Variants in COL4A6 observed in about 807,000 individuals in gnomAD.
The protein encoded by COL4A6 is collagen alpha-6(IV) chain.
COL4A6 carries 59 observed loss-of-function variants against 126.7 expected under a neutral mutation model. The observed-to-expected ratio is 0.47, with a 90% CI of 0.38 to 0.58. The LOEUF is 0.58. Among genes scored for constraint, COL4A6 ranks in the 20% least tolerant of loss-of-function variants. The pLI is 0.00. For synonymous variants in COL4A6, 547 were observed against 496.6 expected, an observed-to-expected ratio of 1.10 and a Z score of -1.35; for missense variants, 1,285 against 1,337.3, an observed-to-expected ratio of 0.96 and a Z score of 0.61.
rs747482606 is a variant in COL4A6 at position 108,188,068 on chromosome X, T to C, written c.1588-41A>G. The C allele has an allele frequency of 2.6e-5, 28 of 1,078,831 alleles. No individual in the cohort carries two copies. In the South Asian group the frequency reaches 5.2e-4, roughly 20 times the overall value. The allele number at this position is 1,078,831 out of a possible 1,213,427, so 88.9% of individuals were successfully genotyped here. On this transcript the variant is annotated intron_variant, in intron 21 of 44. Transcript: ENST00000334504. ...GAGAAGAGGGAGTAGTCAGAAGATG[T>C]AGACTTCATAGAATTCCGGCACCTA...
At chrX:108,433,680 T>C (rs2064212844) in intron 2 of COL4A6, among the ~76,000 whole-genome samples, 1 of 110,882 alleles carries the variant, frequency 9.0e-6, no homozygotes, top group Non-Finnish European at 1.9e-5. Flanking sequence ...TGCACCACCA[T>C]GCCCAGCTAA....
At chrX:108,167,616 A>G (rs898274589) in intron 37 of COL4A6, among the ~76,000 whole-genome samples, 4 of 111,592 alleles carry the variant, frequency 3.6e-5, no homozygotes, top group African/African-American at 1.3e-4. Context: ...GATTACAGGC[A>G]TGAGTCACTG....
At chrX:108,322,915 C>T (rs765486621) in intron 2 of COL4A6, among the ~76,000 whole-genome samples, 2 of 112,285 alleles carry the variant, frequency 1.8e-5, no homozygotes, top group East Asian at 5.6e-4. Context: ...TATTTATCTG[C>T]AATTCAAATT....
chrX:108,162,794 G>C, intron 41 of COL4A6, 98 bp downstream of exon 41: 1 of 930,445 alleles, frequency 1.1e-6, no homozygotes, highest in Non-Finnish European at 1.4e-6. Flanking sequence ...GGCAACGCTT[G>C]ATGAAGACAC....
rs182950818 is a variant in COL4A6, at chrX:108,305,897, A to T, written c.144+4851T>A. 2.7e-5 allele frequency among the ~76,000 whole-genome samples: 3 copies of T among 112,267 alleles called. No homozygotes were observed. The Admixed American group carries it at 2.8e-4, about 11-fold the overall frequency. On this transcript the variant is annotated intron_variant, in intron 3 of 44. Coordinates refer to ENST00000334504, the MANE Select transcript of COL4A6 (RefSeq NM_033641.4). ...TAGACATGTTTATGGTGCCAGTGAA[A>T]TCTAAGCAGAGATATCCAGCAAGAA...
chrX:108,341,475 T>C (rs1212596584), intron 2 of COL4A6, among the ~76,000 whole-genome samples: 2 of 111,113 alleles, frequency 1.8e-5, no homozygotes, highest in Non-Finnish European at 3.8e-5. Context: ...GCAGACATGA[T>C]GGTTTTATAA....
intron 3 of COL4A6, among the ~76,000 whole-genome samples, chrX:108,239,966 G>A (rs189411862): frequency 3.6e-5 from 4 of 111,258 alleles, no homozygotes; most frequent in African/African-American, 1.3e-4. Context: ...AATTTGGCTG[G>A]GTGTGGTGGC....
chrX:108,283,433 C>T (rs1465692676), intron 3 of COL4A6, among the ~76,000 whole-genome samples: 2 of 111,613 alleles, frequency 1.8e-5, no homozygotes, highest in South Asian at 3.8e-4. Flanking sequence ...CTTGTATTTC[C>T]GCTCCTGTAC....
At chrX:108,179,473 C>T (rs1244652961) in intron 25 of COL4A6, 35 bp from the exon 26 acceptor site, 1 of 1,098,124 alleles carries the variant, frequency 9.1e-7, no homozygotes, top group African/African-American at 1.8e-5. Context: ...AAGACCATGG[C>T]TGTTTAGAAG....
At position 108,192,547 on chromosome X, in the gene COL4A6, G is replaced by A. The variant is rs2035081866; in HGVS notation, c.1106C>T (p.Pro369Leu). 9 of 1,204,470 alleles carry A rather than the reference G, an allele frequency of 7.5e-6. No homozygotes were observed. The East Asian group carries it at 1.8e-4, about 24-fold the overall frequency. ...NPGDPGVPGL[P>L]GLKGDEGIQG... ...GATGCCTTCATCTCCTTTAAGGCCT[G>A]GGAGGCCAGGTACACCAGGATCTCC... is the stretch of plus-strand genomic sequence containing the variant. The change falls in exon 18 of 45, where the codon CCA (proline) becomes CTA (leucine). Residue 369 changes from proline (P) to leucine (L), a missense_variant. Coordinates refer to ENST00000334504, the MANE Select transcript of COL4A6 (RefSeq NM_033641.4).
intron 2 of COL4A6, among the ~76,000 whole-genome samples, chrX:108,408,368 C>T (rs369064751): frequency 6.0e-5 from 6 of 99,323 alleles, no homozygotes; most frequent in African/African-American, 8.4e-5. Flanking sequence ...AAAGAAAGAA[C>T]GAAAGAAAGA....
chrX:108,338,676 T>C (rs1380550708), intron 2 of COL4A6, among the ~76,000 whole-genome samples: 2 of 111,851 alleles, frequency 1.8e-5, no homozygotes, highest in Non-Finnish European at 3.8e-5. Context: ...CCTTCTGTAA[T>C]ATGCTGCTAT....
chrX:108,371,693 G>GTGGCAGGGGCCCAGGAGGTCGAGT (rs1179227003), intron 2 of COL4A6, among the ~76,000 whole-genome samples: 117 of 108,480 alleles, frequency 1.1e-3, no homozygotes, highest in Non-Finnish European at 1.9e-3. Context: ...GGAGGTCGAG[G>GTGGCAGGGGCCCAGGAGGTCGAGT]TGGCAGTGAC....
intron 2 of COL4A6, among the ~76,000 whole-genome samples, chrX:108,377,822 G>A (rs1442830181): frequency 1.9e-5 from 2 of 106,903 alleles, no homozygotes. Context: ...CACACCTGTA[G>A]TCCTAGCTAC....
Position 108,310,796 on chromosome X carries a change from GCC to G in COL4A6, c.94_95del (p.Gly32ProfsTer12). ...GEKSYGKPCGGQDCSGSCQCF... is the reference protein window; with the variant it reads ...GEKSYGKPCGXQDCSGSCQCF... ...ACTGACAGCTCCCACTGCAGTCCTGGCCCCCACATGGCTTTCCATAAGACTTC... is the reference window on the plus strand; with the variant it reads ...ACTGACAGCTCCCACTGCAGTCCTGGCCCACATGGCTTTCCATAAGACTTC... On this transcript the variant is annotated frameshift_variant, in exon 3 of 45. Coordinates refer to ENST00000334504, the MANE Select transcript of COL4A6 (RefSeq NM_033641.4). LOFTEE classifies it high-confidence loss of function. The G allele has an allele frequency of 1.7e-6, 2 of 1,208,417 alleles. No individual in the cohort carries two copies. The highest frequency in any genetic ancestry group is 2.2e-6 in the Non-Finnish European group (2 of 893,511).
At chrX:108,273,969 G>A (rs1263019436) in intron 3 of COL4A6, among the ~76,000 whole-genome samples, 1 of 112,204 alleles carries the variant, frequency 8.9e-6, no homozygotes, top group African/African-American at 3.2e-5. Context: ...TTCTATGGCT[G>A]TGTAACAGAT....
At chrX:108,426,080 T>G (rs760173076) in intron 2 of COL4A6, among the ~76,000 whole-genome samples, 1 of 111,611 alleles carries the variant, frequency 9.0e-6, no homozygotes, top group African/African-American at 3.3e-5. Flanking sequence ...AAAGACAATA[T>G]AAATCTCATA....
chrX:108,214,000 G>A, intron 6 of COL4A6, 112 bp downstream of exon 6: 1 of 592,412 alleles, frequency 1.7e-6, no homozygotes, highest in Non-Finnish European at 2.9e-6. Context: ...TTGGACAAGG[G>A]TGTGTAGTGG....
chrX:108,410,691 CATCA>C (rs1361066626), intron 2 of COL4A6, among the ~76,000 whole-genome samples: 1 of 111,085 alleles, frequency 9.0e-6, no homozygotes, highest in Non-Finnish European at 1.9e-5. Flanking sequence ...TCATTAATAT[CATCA>C]ATCAATTAAT....
Sources: allele counts gnomAD v4.1 joint callset (sites outside exome capture counted in the v4.1 genomes callset), GRCh38; gene constraint gnomAD v4.1.1; transcripts MANE v1.5; gene names NCBI Gene and HGNC (gene_info 2026-07-23, HGNC 2026-07-21).